DUSP14: variants seen among roughly 807,000 people sequenced by gnomAD.
DUSP14 encodes dual specificity protein phosphatase 14.
In DUSP14, 5 loss-of-function variants were observed where a neutral mutation model predicts 13.2. The observed-to-expected ratio is 0.38, with a 90% CI of 0.20 to 0.80. The LOEUF (loss-of-function observed/expected upper bound fraction) is 0.80, where lower values mean the gene tolerates loss of function less well. Among genes scored for constraint, DUSP14 ranks in the 30% least tolerant of loss-of-function variants. The pLI, the probability that DUSP14 is intolerant of heterozygous loss-of-function variation, is 0.44. For synonymous variants in DUSP14, 91 were observed against 103.4 expected, an observed-to-expected ratio of 0.88 and a Z score of 0.73; for missense variants, 185 against 264.0, an observed-to-expected ratio of 0.70 and a Z score of 2.07.
rs776368918 is a variant in DUSP14, at chr17:37,512,514, T to C, written c.242T>C (p.Met81Thr). 6.2e-7 allele frequency: 1 copy of C among 1,614,192 alleles called. No individual in the cohort carries two copies. The highest frequency in any genetic ancestry group is 1.1e-5 in the South Asian group (1 of 91,082). ...TATGTTAAAGTGCCTCTGGCTGACA[T>C]GCCGCATGCCCCCATTGGACTGTAC... is the stretch of plus-strand genomic sequence containing the variant. ...FEYVKVPLAD[M>T]PHAPIGLYFD... Residue 81 changes from methionine to threonine, a missense_variant, in exon 3 of 3, where the codon ATG (methionine) becomes ACG (threonine). Physicochemically the swap from Met to Thr is moderately conservative, Grantham distance 81. Transcript: ENST00000617516. The surrounding 1 kb of genome is among the most constrained non-coding windows in gnomAD (Gnocchi z 4.8).
chr17:37,508,606 C>T (rs1356534645), intron 1 of DUSP14, among the ~76,000 whole-genome samples: 12 of 151,734 alleles, frequency 7.9e-5, no homozygotes, highest in African/African-American at 2.4e-5. Flanking sequence ...TGGTGGTGCA[C>T]GCCTGTAATC....
intron 1 of DUSP14, among the ~76,000 whole-genome samples, chr17:37,498,031 G>C: frequency 6.7e-6 from 1 of 150,240 alleles, no homozygotes. Flanking sequence ...GGGTGACAGA[G>C]CAAGACCCTG....
chr17:37,506,001 G>T (rs2071616255), intron 1 of DUSP14, among the ~76,000 whole-genome samples: 1 of 152,160 alleles, frequency 6.6e-6, no homozygotes, highest in African/African-American at 2.4e-5. Flanking sequence ...AGTGGTTCAA[G>T]CCTGTAATCC....
At chr17:37,490,153 G>A (rs1480391682) in intron 1 of DUSP14, among the ~76,000 whole-genome samples, 195 bp downstream of exon 1, 1 of 151,188 alleles carries the variant, frequency 6.6e-6, no homozygotes, top group Admixed American at 6.6e-5. Flanking sequence ...GGCCCGCGGA[G>A]GAGAGGCCCG....
intron 1 of DUSP14, among the ~76,000 whole-genome samples, chr17:37,491,171 C>T (rs2054025656): frequency 6.6e-6 from 1 of 152,192 alleles, no homozygotes; most frequent in South Asian, 2.1e-4. Flanking sequence ...GTGCGTGTGT[C>T]TGGAAGCTCC....
chr17:37,503,525 A>G (rs535826122), intron 1 of DUSP14, among the ~76,000 whole-genome samples: 1 of 152,370 alleles, frequency 6.6e-6, no homozygotes, highest in Admixed American at 6.5e-5. Flanking sequence ...CAGTTGGAAC[A>G]ACACTCAGCA....
Position 37,512,917 on chromosome 17 carries a change from C to A in DUSP14, c.*48C>A. The A allele has an allele frequency of 6.8e-7, 1 of 1,479,188 alleles. No homozygotes were observed. The highest frequency in any genetic ancestry group is 9.3e-7 in the Non-Finnish European group (1 of 1,078,782). 91.6% of individuals were successfully genotyped at this position (1,479,188 alleles called of 1,614,324 possible). ...AGCCCGAGCGGGGCCGGCATCTGCT[C>A]CCCGCCGTCTGCTCCCTCTCCACTC... is the stretch of plus-strand genomic sequence containing the variant. On this transcript the variant is annotated 3_prime_UTR_variant, in exon 3 of 3. Transcript: ENST00000617516. The surrounding 1 kb of genome is among the most constrained non-coding windows in gnomAD (Gnocchi z 4.8).
chr17:37,494,113 C>G (rs1475020058), intron 1 of DUSP14, among the ~76,000 whole-genome samples: 1 of 151,908 alleles, frequency 6.6e-6, no homozygotes, highest in Non-Finnish European at 1.5e-5. Context: ...CCTGCCTCAG[C>G]CTCCCTAGTA....
intron 1 of DUSP14, among the ~76,000 whole-genome samples, chr17:37,498,669 G>T (rs1275808158): frequency 1.7e-5 from 2 of 114,294 alleles, no homozygotes; most frequent in African/African-American, 7.2e-5. Flanking sequence ...TTATATGAAA[G>T]TAATCAGTTT....
At chr17:37,506,580 G>GGGTC (rs1299906332) in intron 1 of DUSP14, among the ~76,000 whole-genome samples, 3 of 152,076 alleles carry the variant, frequency 2.0e-5, no homozygotes, top group African/African-American at 7.2e-5. Context: ...CCTCAAATAC[G>GGGTC]GGTCAAACTC....
At chr17:37,498,126 T>C (rs2143069146) in intron 1 of DUSP14, among the ~76,000 whole-genome samples, 1 of 152,154 alleles carries the variant, frequency 6.6e-6, no homozygotes, top group Admixed American at 6.5e-5. Context: ...GGGATGGAAC[T>C]CTTAGAGCAT....
Position 37,511,585 on chromosome 17 carries a change from C to CTTTTTTTTTTTTTTTTTTT in DUSP14, c.-92-578_-92-577insTTTTTTTTTTTTTTTTTTT, listed in dbSNP as rs533256343. 5.4e-4 allele frequency among the ~76,000 whole-genome samples: 47 copies of CTTTTTTTTTTTTTTTTTTT among 87,310 alleles called. 5 individuals are homozygous for CTTTTTTTTTTTTTTTTTTT. Among genetic ancestry groups the CTTTTTTTTTTTTTTTTTTT allele is most frequent in the African/African-American group, 2.4e-3 (45 of 19,086 alleles). The allele number at this position is 87,310 out of a possible 152,430, so 57.3% of individuals were successfully genotyped here. On this transcript the variant is annotated intron_variant, in intron 2 of 2. Coordinates refer to ENST00000617516, the MANE Select transcript of DUSP14 (RefSeq NM_007026.4). ...CATGAGCTACCTCACCTGGCCTTTC[C>CTTTTTTTTTTTTTTTTTTT]TTTTTTTTTTTTTTTTTTAGAAGCT...
chr17:37,494,184 G>A (rs987212450), intron 1 of DUSP14, among the ~76,000 whole-genome samples: 12 of 151,876 alleles, frequency 7.9e-5, no homozygotes, highest in African/African-American at 7.3e-5. Context: ...TAGTAGAGAC[G>A]GGGTTTCACC....
chr17:37,489,127 G>C (rs913447399), upstream of DUSP14, among the ~76,000 whole-genome samples: 9 of 152,164 alleles, frequency 5.9e-5, no homozygotes, highest in African/African-American at 1.9e-4. Flanking sequence ...TTACAGATGG[G>C]CAGACCTGAA....
intron 1 of DUSP14, among the ~76,000 whole-genome samples, chr17:37,506,672 G>GT (rs2054140064): frequency 6.6e-6 from 1 of 152,142 alleles, no homozygotes; most frequent in Non-Finnish European, 1.5e-5. Context: ...ATACCCATGG[G>GT]TTTTTTATTT....
chr17:37,494,056 C>T (rs1044440730), intron 1 of DUSP14, among the ~76,000 whole-genome samples: 2 of 150,504 alleles, frequency 1.3e-5, no homozygotes, highest in East Asian at 2.0e-4. Flanking sequence ...TGCAGTGGCG[C>T]GATCTCGGCT....
chr17:37,493,961 C>T (rs74252408), intron 1 of DUSP14, among the ~76,000 whole-genome samples: 1 of 151,804 alleles, frequency 6.6e-6, no homozygotes, highest in African/African-American at 2.4e-5. Flanking sequence ...TAACCACAGA[C>T]TCTGTGCTAC....
intron 1 of DUSP14, among the ~76,000 whole-genome samples, chr17:37,507,612 CT>C (rs1390578954): frequency 1.3e-5 from 2 of 152,258 alleles, no homozygotes; most frequent in Non-Finnish European, 2.9e-5. Flanking sequence ...ACCACTGCAC[CT>C]GGCTAATTTT....
chr17:37,494,228 C>T (rs1275473792), intron 1 of DUSP14, among the ~76,000 whole-genome samples: 1 of 152,050 alleles, frequency 6.6e-6, no homozygotes, highest in African/African-American at 2.4e-5. Flanking sequence ...CTCCTGACCT[C>T]GTGATCCGCC....
Sources: allele counts gnomAD v4.1 joint callset (sites outside exome capture counted in the v4.1 genomes callset), GRCh38; gene constraint gnomAD v4.1.1; non-coding constraint Gnocchi (gnomAD v3.1); transcripts MANE v1.5; gene names NCBI Gene and HGNC (gene_info 2026-07-23, HGNC 2026-07-21).